The following ARHGEF28 variants were observed in gnomAD, a reference collection of about 807,000 sequenced individuals.
The protein encoded by ARHGEF28 is Rho guanine nucleotide exchange factor 28, also known as 190 kDa guanine nucleotide exchange factor.
A neutral mutation model predicts 206.6 loss-of-function variants in ARHGEF28; 152 were observed. The ratio of observed to expected loss-of-function variants is 0.74; its 90% CI spans 0.64 to 0.84. ARHGEF28 has a LOEUF of 0.84. Among genes scored for constraint, ARHGEF28 ranks in the 40% least tolerant of loss-of-function variants. The pLI, the probability that ARHGEF28 is intolerant of heterozygous loss-of-function variation, is 0.00. For missense variants in ARHGEF28, 2,028 were observed against 2,073.2 expected, an observed-to-expected ratio of 0.98 and a Z score of 0.42; for synonymous variants, 763 against 776.4, an observed-to-expected ratio of 0.98 and a Z score of 0.29.
At chr5:73,798,523 G>A in intron 9 of ARHGEF28, among the ~76,000 whole-genome samples, 1 of 152,186 alleles carries the variant, frequency 6.6e-6, no homozygotes, top group Non-Finnish European at 1.5e-5. Flanking sequence ...TCTAATGCAG[G>A]ACTTATGGCC....
At chr5:73,675,202 C>A (rs1262888630) in intron 1 of ARHGEF28, among the ~76,000 whole-genome samples, 1 of 152,148 alleles carries the variant, frequency 6.6e-6, no homozygotes, top group African/African-American at 2.4e-5. Flanking sequence ...GGAGGACACC[C>A]AGCTTGTGTC....
intron 1 of ARHGEF28, among the ~76,000 whole-genome samples, chr5:73,679,145 TAAAA>T (rs911766908): frequency 6.6e-6 from 1 of 152,176 alleles, no homozygotes; most frequent in Non-Finnish European, 1.5e-5. Context: ...GAAGATTAAA[TAAAA>T]AAAGTTAGAA....
At chr5:73,886,452 G>T (rs902033724) in intron 25 of ARHGEF28, among the ~76,000 whole-genome samples, 1 of 152,204 alleles carries the variant, frequency 6.6e-6, no homozygotes, top group Admixed American at 6.5e-5. Flanking sequence ...CACACCTAGG[G>T]TCTGTTGCAT....
chr5:73,849,180 G>C, intron 13 of ARHGEF28, 93 bp downstream of exon 13: 2 of 927,630 alleles, frequency 2.2e-6, no homozygotes, highest in Non-Finnish European at 3.2e-6. Context: ...AAGAACAGCA[G>C]ACAAGAATTT....
chr5:73,896,972 C>T (rs531450122), intron 29 of ARHGEF28, among the ~76,000 whole-genome samples: 9 of 152,264 alleles, frequency 5.9e-5, no homozygotes, highest in African/African-American at 1.7e-4. Flanking sequence ...CATTTGCAGC[C>T]GAAAGATGGA....
intron 9 of ARHGEF28, among the ~76,000 whole-genome samples, chr5:73,796,714 C>T (rs1754842214): frequency 6.6e-6 from 1 of 152,194 alleles, no homozygotes; most frequent in African/African-American, 2.4e-5. Flanking sequence ...AAGCAATATA[C>T]ACGTCCTTAA....
At chr5:73,934,350 A>G (rs1432546844) in intron 35 of ARHGEF28, among the ~76,000 whole-genome samples, 1 of 151,934 alleles carries the variant, frequency 6.6e-6, no homozygotes, top group African/African-American at 2.4e-5. Context: ...ATCACGTGGC[A>G]CACAATGTCT....
intron 1 of ARHGEF28, among the ~76,000 whole-genome samples, chr5:73,630,120 A>G (rs1273559247): frequency 6.6e-6 from 1 of 152,238 alleles, no homozygotes; most frequent in African/African-American, 2.4e-5. Flanking sequence ...AAATGTTAAT[A>G]TGCTTCAAAT....
At chr5:73,725,120 T>C (rs921327084) in intron 2 of ARHGEF28, among the ~76,000 whole-genome samples, 1 of 152,242 alleles carries the variant, frequency 6.6e-6, no homozygotes, top group African/African-American at 2.4e-5. Flanking sequence ...GCATAATCTA[T>C]TTACCAATTG....
intron 2 of ARHGEF28, among the ~76,000 whole-genome samples, chr5:73,697,813 A>G (rs919267850): frequency 6.6e-6 from 1 of 152,160 alleles, no homozygotes; most frequent in African/African-American, 2.4e-5. Context: ...GTGCCCTACA[A>G]CATGTTTTCA....
intron 4 of ARHGEF28, among the ~76,000 whole-genome samples, chr5:73,760,520 G>A (rs1752547617): frequency 6.6e-6 from 1 of 152,088 alleles, no homozygotes; most frequent in Non-Finnish European, 1.5e-5. Context: ...TCCTTCTGTT[G>A]CTAAGGCAAC....
chr5:73,854,955 T>C (rs1758925018), intron 14 of ARHGEF28, among the ~76,000 whole-genome samples: 2 of 152,174 alleles, frequency 1.3e-5, no homozygotes, highest in South Asian at 4.1e-4. Flanking sequence ...TAAATGTCTA[T>C]TTACCTATTG....
chr5:73,788,640 G>A (rs1215150648), intron 7 of ARHGEF28, among the ~76,000 whole-genome samples: 2 of 152,116 alleles, frequency 1.3e-5, no homozygotes, highest in Non-Finnish European at 2.9e-5. Flanking sequence ...CTTCATCCTT[G>A]TTGTCTTCAC....
At chr5:73,848,157 TA>T (rs1758481016) in intron 12 of ARHGEF28, among the ~76,000 whole-genome samples, 1 of 152,204 alleles carries the variant, frequency 6.6e-6, no homozygotes, top group African/African-American at 2.4e-5. Context: ...CTTTATAGGA[TA>T]GAAGTTGGGT....
chr5:73,811,337 C>A (rs527477201), intron 9 of ARHGEF28, among the ~76,000 whole-genome samples: 2 of 152,264 alleles, frequency 1.3e-5, no homozygotes, highest in South Asian at 4.1e-4. Flanking sequence ...AAATAAAATA[C>A]AAATATATAT....
intron 2 of ARHGEF28, among the ~76,000 whole-genome samples, chr5:73,749,164 C>CAA (rs1387951570): frequency 6.6e-6 from 1 of 152,130 alleles, no homozygotes; most frequent in East Asian, 1.9e-4. Flanking sequence ...AGAGAAATAG[C>CAA]AAATGGAAAT....
At chr5:73,749,706 T>C in intron 2 of ARHGEF28, 131 bp from the exon 3 acceptor site, 1 of 905,160 alleles carries the variant, frequency 1.1e-6, no homozygotes, top group Non-Finnish European at 1.7e-6. Context: ...GAAGCACTCA[T>C]GCTATTTGAA....
Position 73,904,203 on chromosome 5 carries a change from T to G in ARHGEF28, c.4075-19T>G, listed in dbSNP as rs768541699. 11 of 1,612,724 alleles carry G rather than the reference T, an allele frequency of 6.8e-6. No individual in the cohort carries two copies. The highest frequency in any genetic ancestry group is 9.3e-6 in the Non-Finnish European group (11 of 1,178,846). On this transcript the variant is annotated intron_variant, in intron 31 of 35. Coordinates refer to ENST00000513042, the MANE Select transcript of ARHGEF28 (RefSeq NM_001177693.2). ...GAAGTAGAATGGTTATTCATTTTCT[T>G]GTTTTTTATGTATTTTAGGTGGAAT...
chr5:73,908,797 T>A (rs937536348), intron 33 of ARHGEF28: 2 of 152,116 alleles, frequency 1.3e-5, no homozygotes, highest in Non-Finnish European at 2.9e-5. Flanking sequence ...GATATAACAG[T>A]AATGAGACTA....
Sources: allele counts gnomAD v4.1 joint callset (sites outside exome capture counted in the v4.1 genomes callset), GRCh38; gene constraint gnomAD v4.1.1; transcripts MANE v1.5; gene names NCBI Gene and HGNC (gene_info 2026-07-23, HGNC 2026-07-21).